The following RBKS variants were observed in gnomAD, a reference collection of about 807,000 sequenced individuals.
RBKS encodes the protein ribokinase.
RBKS carries 33 observed loss-of-function variants against 33.9 expected under a neutral mutation model. The ratio of observed to expected loss-of-function variants is 0.97; its 90% CI spans 0.74 to 1.30. The LOEUF is 1.30. Ranked by LOEUF, RBKS falls within the 50% of genes most tolerant of loss-of-function variation. The pLI, the probability that RBKS is intolerant of heterozygous loss-of-function variation, is 0.00. For synonymous variants in RBKS, 125 were observed against 143.0 expected, an observed-to-expected ratio of 0.87 and a Z score of 0.90; for missense variants, 361 against 392.6, an observed-to-expected ratio of 0.92 and a Z score of 0.68.
intron 1 of RBKS, among the ~76,000 whole-genome samples, chr2:27,874,371 C>A (rs4233721): frequency 2.0e-5 from 3 of 152,218 alleles, no homozygotes; most frequent in African/African-American, 7.2e-5. Context: ...TAGCTTACAG[C>A]TTAGTTTTAA....
At chr2:27,823,139 C>A (rs1678243064) in intron 7 of RBKS, among the ~76,000 whole-genome samples, 1 of 152,166 alleles carries the variant, frequency 6.6e-6, no homozygotes, top group Non-Finnish European at 1.5e-5. Context: ...GGCGGACATG[C>A]ACTCTCTGTC....
intron 6 of RBKS, among the ~76,000 whole-genome samples, 167 bp from the exon 7 acceptor site, chr2:27,827,922 T>C (rs960131747): frequency 6.6e-6 from 1 of 152,184 alleles, no homozygotes; most frequent in Non-Finnish European, 1.5e-5. Context: ...ATAACAGTGA[T>C]GACAAAAACC....
At position 27,873,242 on chromosome 2, in the gene RBKS, T is replaced by C. The variant is rs549930545; in HGVS notation, c.90-14671A>G. 5.3e-5 allele frequency among the ~76,000 whole-genome samples: 8 copies of C among 152,290 alleles called. No homozygotes were observed. The East Asian group carries it at 1.5e-3, about 29-fold the overall frequency. ...CCAGTTAAATAATGCAGTTTCCTTGTTGCAGCTGTCAATAGGGTTAAAGTT... is the reference window on the plus strand; with the variant it reads ...CCAGTTAAATAATGCAGTTTCCTTGCTGCAGCTGTCAATAGGGTTAAAGTT... On this transcript the variant is annotated intron_variant, in intron 1 of 7. Coordinates refer to ENST00000302188, the MANE Select transcript of RBKS (RefSeq NM_022128.3).
chr2:27,875,451 G>A (rs987963779), intron 1 of RBKS, among the ~76,000 whole-genome samples: 1 of 152,172 alleles, frequency 6.6e-6, no homozygotes, highest in Non-Finnish European at 1.5e-5. Context: ...TACTCAGAAG[G>A]CTGAGGTGGG....
chr2:27,865,148 A>G (rs1026937154), intron 1 of RBKS, among the ~76,000 whole-genome samples: 1 of 152,080 alleles, frequency 6.6e-6, no homozygotes, highest in African/African-American at 2.4e-5. Context: ...GTGAAACCTC[A>G]TCTCTACTAA....
intron 7 of RBKS, among the ~76,000 whole-genome samples, chr2:27,791,440 C>T (rs1677518495): frequency 6.6e-6 from 1 of 152,074 alleles, no homozygotes; most frequent in Non-Finnish European, 1.5e-5. Context: ...TTCTTTCTCT[C>T]TCTCCTTGAG....
intron 1 of RBKS, among the ~76,000 whole-genome samples, chr2:27,860,143 G>GA (rs966346856): frequency 4.6e-5 from 7 of 151,494 alleles, no homozygotes; most frequent in South Asian, 4.2e-4. Flanking sequence ...TAGTACTGAT[G>GA]AAAAAAAATA....
intron 7 of RBKS, among the ~76,000 whole-genome samples, chr2:27,803,339 C>A (rs1370172982): frequency 6.6e-6 from 1 of 152,118 alleles, no homozygotes; most frequent in Non-Finnish European, 1.5e-5. Context: ...CATGACAAAC[C>A]ATTATGTCGC....
chr2:27,801,988 ATATATTTTTTTTTTTT>A (rs1677803943), intron 7 of RBKS, among the ~76,000 whole-genome samples: 7 of 86,892 alleles, frequency 8.1e-5, no homozygotes, highest in African/African-American at 3.9e-4. Flanking sequence ...ATATATATAT[ATATATTTTTTTTTTTT>A]TTTTTTTTTT....
chr2:27,883,400 C>T (rs919304149), intron 1 of RBKS, among the ~76,000 whole-genome samples: 22 of 152,072 alleles, frequency 1.4e-4, no homozygotes, highest in Non-Finnish European at 2.4e-4. Context: ...GGGGTTTCAC[C>T]GTATTAGCCA....
chr2:27,851,613 AC>A (rs1663747756), intron 2 of RBKS, among the ~76,000 whole-genome samples: 1 of 151,936 alleles, frequency 6.6e-6, no homozygotes, highest in Admixed American at 6.6e-5. Context: ...ATCTCCGCTC[AC>A]TGCAACCTCT....
At chr2:27,801,079 C>T (rs1558536079) in intron 7 of RBKS, among the ~76,000 whole-genome samples, 3 of 152,202 alleles carry the variant, frequency 2.0e-5, no homozygotes, top group African/African-American at 7.2e-5. Flanking sequence ...CTGTCTACCA[C>T]AGCTAGCCGG....
rs1678559468 is a variant in RBKS at position 27,837,972 on chromosome 2, G to A, written c.514+5095C>T. On this transcript the variant is annotated intron_variant, in intron 5 of 7. Transcript: ENST00000302188. This position sits in a 1 kb window ranked among gnomAD's most constrained non-coding sequence, Gnocchi z 4.0. The stretch of plus-strand genomic sequence containing the variant: ...CCCAGTACTTTGGGAGGTTGAGGCA[G>A]GTGGATCACCTGAGGTAAGAAGTTC... Among the ~76,000 whole-genome samples, 1 of 152,148 alleles carries A rather than the reference G, an allele frequency of 6.6e-6. No homozygotes were observed. The highest frequency in any genetic ancestry group is 2.1e-4 in the South Asian group (1 of 4,832).
At position 27,781,660 on chromosome 2, in the gene RBKS, C is replaced by G. The variant is rs888816409; in HGVS notation, c.924G>C (p.Gln308His). The G allele has an allele frequency of 4.1e-5, 66 of 1,613,780 alleles. No homozygotes were observed. The highest frequency in any genetic ancestry group is 1.0e-4 in the Admixed American group (6 of 59,964). The change falls in exon 8 of 8, where the codon CAG (glutamine) becomes CAC (histidine). Residue 308 changes from glutamine to histidine, a missense_variant. Coordinates refer to ENST00000302188, the MANE Select transcript of RBKS (RefSeq NM_022128.3). ...GGTCTTTTTTGTAAGGGTAAGATGA[C>G]TGTGTTCCTGCAGCCTGGACACTGA... Reference protein sequence around the residue: ...AAVSVQAAGTQSSYPYKKDLP... With the variant: ...AAVSVQAAGTHSSYPYKKDLP...
intron 1 of RBKS, chr2:27,861,663 T>TTGGG (rs1553380057): frequency 1.6e-5 from 5 of 313,196 alleles, no homozygotes; most frequent in East Asian, 1.7e-4. Context: ...CATTTCTTTT[T>TTGGG]GGGGGGGGGG....
Position 27,781,624 on chromosome 2 carries a change from A to C in RBKS, c.960T>G (p.Thr320=). The change falls in exon 8 of 8, where the codon ACT becomes ACG. Residue 320 remains threonine, a synonymous_variant. Transcript: ENST00000302188. ...TTGGGACTAATAGCAATCAAAACAG[A>C]GTAAGCGGAAGGTCTTTTTTGTAAG... ...SYPYKKDLPL[T]LF 1.9e-6 allele frequency: 3 copies of C among 1,610,458 alleles called. No individual in the cohort carries two copies. Among genetic ancestry groups the C allele is most frequent in the Non-Finnish European group, 2.5e-6 (3 of 1,178,550 alleles).
chr2:27,831,879 C>T (rs867981642), intron 6 of RBKS, among the ~76,000 whole-genome samples: 34 of 144,414 alleles, frequency 2.4e-4, no homozygotes, highest in Admixed American at 1.4e-4. Flanking sequence ...GACACCACTG[C>T]ATTCCAACCT....
chr2:27,815,815 A>T (rs79655548), intron 7 of RBKS, among the ~76,000 whole-genome samples: 4,203 of 152,286 alleles, frequency 0.028, 192 homozygotes, highest in African/African-American at 0.096. Flanking sequence ...GGGCAGAGGG[A>T]CTATTTCATG....
At chr2:27,809,940 A>C (rs1330737181) in intron 7 of RBKS, 2 of 1,303,608 alleles carry the variant, frequency 1.5e-6, no homozygotes, top group Non-Finnish European at 2.0e-6. Context: ...TTAGGCCACA[A>C]AATCAGTAGG....
Sources: gnomAD v4.1 joint callset for allele counts (sites outside exome capture counted in the v4.1 genomes callset) on GRCh38, gnomAD v4.1.1 for gene constraint, Gnocchi (gnomAD v3.1) non-coding constraint, MANE v1.5 for transcripts, NCBI Gene and HGNC (gene_info 2026-07-23, HGNC 2026-07-21) for gene names.